CRACD: variants seen among roughly 807,000 people sequenced by gnomAD.
CRACD encodes the protein capping protein inhibiting regulator of actin dynamics, also known as capping protein-inhibiting regulator of actin dynamics.
In CRACD, 56 loss-of-function variants were observed where a neutral mutation model predicts 106.8. The observed-to-expected ratio is 0.52, with a 90% CI of 0.42 to 0.66. CRACD has a LOEUF of 0.66. Among genes scored for constraint, CRACD ranks in the 30% least tolerant of loss-of-function variants. CRACD has a pLI of 0.00. For missense variants in CRACD, 1,730 were observed against 1,623.2 expected, an observed-to-expected ratio of 1.07 and a Z score of -1.13; for synonymous variants, 754 against 670.8, an observed-to-expected ratio of 1.12 and a Z score of -1.92.
chr4:56,248,292 C>T (rs374051915), intron 2 of CRACD, among the ~76,000 whole-genome samples: 1 of 152,112 alleles, frequency 6.6e-6, no homozygotes, highest in African/African-American at 2.4e-5. Flanking sequence ...TGGAAAAATG[C>T]GCATTTGAGG....
chr4:56,315,198 C>T lies in CRACD; in HGVS notation c.1696C>T (p.Leu566Phe), dbSNP rs748580010. ...CGTGACGCCCGCAAAGGACACGGGG[C>T]TCACCGCTGCTCCCCAGGAACCAAA... ...SPVTPAKDTG[L>F]TAAPQEPKAP... The change falls in exon 8 of 11, where the codon CTC becomes TTC. Residue 566 changes from leucine (L) to phenylalanine (F), a missense_variant. Physicochemically the swap from Leu to Phe is conservative, Grantham distance 22. Transcript: ENST00000682029. The surrounding 1 kb of genome is among the most constrained non-coding windows in gnomAD (Gnocchi z 4.1). 3.8e-6 allele frequency: 6 copies of T among 1,592,324 alleles called. No homozygotes were observed. In the Middle Eastern group the frequency reaches 5.0e-4, roughly 132 times the overall value.
In CRACD at chr4:56,314,699, G is replaced by A. The variant is rs760674377; in HGVS notation, c.1197G>A (p.Glu399=). The A allele has an allele frequency of 5.1e-6, 8 of 1,559,184 alleles. No individual in the cohort carries two copies. The highest frequency in any genetic ancestry group is 6.9e-6 in the Non-Finnish European group (8 of 1,151,560). Residue 399 remains glutamate (E), a synonymous_variant, in exon 8 of 11, where the codon GAG becomes GAA. Coordinates refer to ENST00000682029, the MANE Select transcript of CRACD (RefSeq NM_001393381.1). The surrounding 1 kb of genome is among the most constrained non-coding windows in gnomAD (Gnocchi z 4.4). ...AGGGCCGGCGGGGCGCGGAGGAGGA[G>A]GATCTGGGGGAAGAGGAGGAGGAGG... ...TGEGRRGAEE[E]DLGEEEEEGQ...
intron 2 of CRACD, among the ~76,000 whole-genome samples, chr4:56,210,036 A>G (rs1335785705): frequency 6.6e-6 from 1 of 152,198 alleles, no homozygotes; most frequent in Non-Finnish European, 1.5e-5. Flanking sequence ...AGAAGGGGTC[A>G]TAATGGGCTT....
chr4:56,113,516 C>T (rs2109845390), intron 1 of CRACD, among the ~76,000 whole-genome samples: 1 of 151,846 alleles, frequency 6.6e-6, no homozygotes, highest in South Asian at 2.1e-4. Context: ...GATACTTCTC[C>T]ACATTGTTCC....
chr4:56,134,034 T>C (rs1734912813), intron 1 of CRACD, among the ~76,000 whole-genome samples: 1 of 151,792 alleles, frequency 6.6e-6, no homozygotes, highest in Non-Finnish European at 1.5e-5. Flanking sequence ...AACCCCATCT[T>C]CACAAAAAAT....
chr4:56,077,849 T>G (rs929926776), intron 1 of CRACD, among the ~76,000 whole-genome samples: 1 of 152,230 alleles, frequency 6.6e-6, no homozygotes, highest in Non-Finnish European at 1.5e-5. Flanking sequence ...AATAGGGTTA[T>G]GAACAGACTG....
intron 2 of CRACD, among the ~76,000 whole-genome samples, chr4:56,249,560 G>A (rs1235096092): frequency 6.6e-6 from 1 of 152,026 alleles, no homozygotes; most frequent in African/African-American, 2.4e-5. Context: ...CTTTTTCAAT[G>A]CATTATTTAC....
intron 2 of CRACD, among the ~76,000 whole-genome samples, chr4:56,229,960 G>A (rs1175856899): frequency 1.3e-5 from 2 of 152,134 alleles, no homozygotes; most frequent in African/African-American, 4.8e-5. Flanking sequence ...AAATATTACT[G>A]CTTAGAATTA....
intron 2 of CRACD, among the ~76,000 whole-genome samples, chr4:56,229,088 T>C (rs776518776): frequency 3.9e-5 from 6 of 152,222 alleles, no homozygotes; most frequent in Non-Finnish European, 7.3e-5. Flanking sequence ...GCAGGAAGAT[T>C]ATGCTTGCAG....
intron 1 of CRACD, among the ~76,000 whole-genome samples, chr4:56,116,613 C>A (rs186099344): frequency 6.8e-4 from 103 of 152,300 alleles, no homozygotes; most frequent in African/African-American, 2.2e-3. Context: ...TTTTTAAAGC[C>A]TCCTTATTGT....
At chr4:56,079,252 T>C (rs986592581) in intron 1 of CRACD, among the ~76,000 whole-genome samples, 1 of 151,844 alleles carries the variant, frequency 6.6e-6, no homozygotes, top group Non-Finnish European at 1.5e-5. Flanking sequence ...TACCAAAGGT[T>C]ATGACTGACT....
At chr4:56,212,350 G>A (rs549221689) in intron 2 of CRACD, among the ~76,000 whole-genome samples, 1 of 152,190 alleles carries the variant, frequency 6.6e-6, no homozygotes, top group Non-Finnish European at 1.5e-5. Context: ...TGTACCCATT[G>A]GTTAGCATAT....
chr4:56,083,546 C>A (rs1733110620), intron 1 of CRACD, among the ~76,000 whole-genome samples: 1 of 151,848 alleles, frequency 6.6e-6, no homozygotes, highest in Admixed American at 6.6e-5. Context: ...ACCTAAATTT[C>A]TTGATGTCAT....
intron 2 of CRACD, among the ~76,000 whole-genome samples, chr4:56,236,223 G>A (rs759397014): frequency 3.3e-5 from 5 of 152,092 alleles, no homozygotes; most frequent in Admixed American, 6.6e-5. Flanking sequence ...TGAAGGCCAC[G>A]TGAAGAGACT....
At chr4:56,173,755 A>G (rs1282039084) in intron 1 of CRACD, among the ~76,000 whole-genome samples, 1 of 152,248 alleles carries the variant, frequency 6.6e-6, no homozygotes, top group East Asian at 1.9e-4. Context: ...GAATTGCTAG[A>G]TAATGTGGTC....
chr4:56,127,942 C>G (rs1004031663), intron 1 of CRACD, among the ~76,000 whole-genome samples: 1 of 152,198 alleles, frequency 6.6e-6, no homozygotes, highest in Admixed American at 6.5e-5. Context: ...CAAAGGGACA[C>G]TCCTATTGCA....
intron 4 of CRACD, among the ~76,000 whole-genome samples, chr4:56,299,209 GT>G (rs59428787): frequency 0.21 from 31,251 of 152,058 alleles, 6,112 homozygotes; most frequent in African/African-American, 0.52. Context: ...GAGTGGGGCA[GT>G]TTTCCTACCT....
At chr4:56,098,607 A>G (rs1331964255) in intron 1 of CRACD, among the ~76,000 whole-genome samples, 2 of 152,222 alleles carry the variant, frequency 1.3e-5, no homozygotes, top group African/African-American at 4.8e-5. Flanking sequence ...CCACTTACTA[A>G]TAACAAGAAC....
At chr4:56,260,001 C>T (rs1007960868) in intron 2 of CRACD, among the ~76,000 whole-genome samples, 4 of 152,104 alleles carry the variant, frequency 2.6e-5, no homozygotes, top group African/African-American at 7.2e-5. Context: ...TTTCAGTCTT[C>T]CCACCAAGCA....
Sources: gnomAD v4.1 joint callset for allele counts (sites outside exome capture counted in the v4.1 genomes callset) on GRCh38, gnomAD v4.1.1 for gene constraint, Gnocchi (gnomAD v3.1) non-coding constraint, MANE v1.5 for transcripts, NCBI Gene and HGNC (gene_info 2026-07-23, HGNC 2026-07-21) for gene names.